Variants in GLIS3 observed in about 807,000 individuals in gnomAD.
GLIS3 encodes zinc finger protein GLIS3.
Under a neutral mutation model 78.6 loss-of-function variants are expected in GLIS3, and 53 were observed. The ratio of observed to expected loss-of-function variants is 0.67; its 90% confidence interval spans 0.54 to 0.85. GLIS3 has a LOEUF of 0.85. GLIS3 is among the 40% of genes least tolerant of loss of function. The pLI is 0.00. For missense variants in GLIS3, 1,703 were observed against 1,231.1 expected (o/e 1.38, Z -5.74); for synonymous variants, 684 against 509.9 (o/e 1.34, Z -4.60).
intron 4 of GLIS3, among the ~76,000 whole-genome samples, chr9:4,104,165 G>A (rs188103988): frequency 1.3e-5 from 2 of 152,172 alleles, no homozygotes; most frequent in South Asian, 2.1e-4. Context: ...CTTCTCATCT[G>A]ATCTCCAGAT....
At chr9:4,222,122 T>G (rs139311190) in intron 2 of GLIS3, among the ~76,000 whole-genome samples, 78 of 152,296 alleles carry the variant, frequency 5.1e-4, no homozygotes, top group African/African-American at 1.9e-3. Flanking sequence ...ACTCCCTTCC[T>G]CCCTCCCTCT....
rs144545019 is a variant in GLIS3 at position 4,275,483 on chromosome 9, A to G, written c.388+10555T>C. 2.3e-3 allele frequency among the ~76,000 whole-genome samples: 355 copies of G among 152,136 alleles called. 1 individual carries two copies. Among genetic ancestry groups the G allele is most frequent in the African/African-American group, 8.3e-3 (345 of 41,522 alleles). On this transcript the variant is annotated intron_variant, in intron 2 of 10. Transcript: ENST00000381971. ...GCACATAAAGAATGAGATTGGGCAGAGCATGGTGGCTCACAACTGTAATCC... is the reference window on the plus strand; with the variant it reads ...GCACATAAAGAATGAGATTGGGCAGGGCATGGTGGCTCACAACTGTAATCC...
rs139932497 is a variant in GLIS3 at position 3,947,607 on chromosome 9, A to G, written c.1711-10418T>C. 9.2e-4 allele frequency among the ~76,000 whole-genome samples: 140 copies of G among 152,336 alleles called. 1 individual carries two copies. Among genetic ancestry groups the G allele is most frequent in the African/African-American group, 3.3e-3 (139 of 41,578 alleles). On this transcript the variant is annotated intron_variant, in intron 4 of 10. Transcript: ENST00000381971. ...CAAGCATGAATTTGCCAAGAGAGAA[A>G]AGGAAATTCACACACGAAGAGAATA...
chr9:4,386,891 C>T, the GLIS3 span, among the ~76,000 whole-genome samples: 2 of 152,210 alleles, frequency 1.3e-5, no homozygotes, highest in African/African-American at 2.4e-5. Flanking sequence ...TCAGAGGGAC[C>T]GATGGTCTTT....
intron 7 of GLIS3, among the ~76,000 whole-genome samples, chr9:3,886,373 C>T (rs1370102225): frequency 3.3e-5 from 5 of 152,126 alleles, no homozygotes; most frequent in African/African-American, 1.2e-4. Context: ...GTAATACACA[C>T]CTTTTGAGTT....
chr9:3,921,913 T>C (rs1361407120), intron 6 of GLIS3, among the ~76,000 whole-genome samples: 3 of 112,380 alleles, frequency 2.7e-5, no homozygotes, highest in Non-Finnish European at 5.6e-5. Flanking sequence ...TATTCATCCA[T>C]CATACTGTGT....
At position 3,923,416 on chromosome 9, in the gene GLIS3, G is replaced by A. The variant is rs145476300; in HGVS notation, c.1983+8944C>T. ...TGAATGAAATATAGAGCATAGAGAC[G>A]AATATAGTCCATACGCCAAAAAATC... On this transcript the variant is annotated intron_variant, in intron 6 of 10. Transcript: ENST00000381971. Among the ~76,000 whole-genome samples, 726 of 152,178 alleles carry A rather than the reference G, an allele frequency of 4.8e-3. 4 individuals carry two copies. Among genetic ancestry groups the A allele is most frequent in the Middle Eastern group, 6.8e-3 (2 of 294 alleles).
At chr9:3,881,174 A>G (rs1821705707) in intron 7 of GLIS3, among the ~76,000 whole-genome samples, 1 of 152,200 alleles carries the variant, frequency 6.6e-6, no homozygotes, top group African/African-American at 2.4e-5. Context: ...CAATAGTTTC[A>G]AAACTGGTGT....
intron 2 of GLIS3, among the ~76,000 whole-genome samples, chr9:4,156,254 C>A (rs184656990): frequency 9.4e-4 from 143 of 152,288 alleles, no homozygotes; most frequent in Non-Finnish European, 1.7e-3. Flanking sequence ...CTCCCTTCTT[C>A]CTCCATTATC....
chr9:3,971,114 G>GGATC (rs1554661239), intron 4 of GLIS3, among the ~76,000 whole-genome samples: 2 of 44,854 alleles, frequency 4.5e-5, no homozygotes, highest in Admixed American at 2.1e-4. Context: ...AAGGAAGGAA[G>GGATC]GATCGAAGGA....
At chr9:4,366,035 G>A in the GLIS3 span, among the ~76,000 whole-genome samples, 2 of 152,316 alleles carry the variant, frequency 1.3e-5, no homozygotes, top group African/African-American at 2.4e-5. Context: ...AAAGGCCGTT[G>A]AAAATGCTTC....
In GLIS3 at chr9:4,238,879, A is replaced by G. The variant is rs574695884; in HGVS notation, c.388+47159T>C. On this transcript the variant is annotated intron_variant, in intron 2 of 10. Coordinates refer to ENST00000381971, the MANE Select transcript of GLIS3 (RefSeq NM_001042413.2). ...ATGGACTCTAACTACTAAGACTACT[A>G]TAGCCACAGCAGCTACTGCAGTGAC... Among the ~76,000 whole-genome samples the G allele has an allele frequency of 2.7e-3, 418 of 152,242 alleles. 6 individuals carry two copies. In the South Asian group the frequency reaches 0.035, roughly 13 times the overall value.
intron 4 of GLIS3, among the ~76,000 whole-genome samples, chr9:4,002,421 T>C (rs1348209626): frequency 2.6e-5 from 4 of 152,188 alleles, no homozygotes; most frequent in East Asian, 3.8e-4. Flanking sequence ...ACAGCAGCAA[T>C]AGAAAACTAA....
intron 4 of GLIS3, among the ~76,000 whole-genome samples, chr9:4,005,435 G>A (rs1821466295): frequency 6.6e-6 from 1 of 152,156 alleles, no homozygotes; most frequent in Non-Finnish European, 1.5e-5. Context: ...GGGCTAATAG[G>A]AGGCAGAGTA....
intron 5 of GLIS3, among the ~76,000 whole-genome samples, chr9:3,933,788 A>T (rs1410335632): frequency 1.3e-5 from 2 of 152,256 alleles, no homozygotes; most frequent in Non-Finnish European, 2.9e-5. Flanking sequence ...TTCTGTGAGC[A>T]AACAAATAAG....
At chr9:4,452,289 C>G in the GLIS3 span, among the ~76,000 whole-genome samples, 1 of 152,000 alleles carries the variant, frequency 6.6e-6, no homozygotes, top group Non-Finnish European at 1.5e-5. Context: ...CTCTCACCAC[C>G]CTTATTCAAC....
At chr9:4,098,490 C>A (rs947694671) in intron 4 of GLIS3, among the ~76,000 whole-genome samples, 1 of 152,160 alleles carries the variant, frequency 6.6e-6, no homozygotes, top group South Asian at 2.1e-4. Flanking sequence ...CTGAAGAAAG[C>A]AACCCATAGG....
chr9:4,232,124 T>G (rs902316718), intron 2 of GLIS3, among the ~76,000 whole-genome samples: 1 of 152,014 alleles, frequency 6.6e-6, no homozygotes, highest in Non-Finnish European at 1.5e-5. Context: ...ACACCTGTAA[T>G]GCCAGCACTT....
intron 2 of GLIS3, among the ~76,000 whole-genome samples, chr9:4,156,177 C>T (rs1171496084): frequency 6.6e-6 from 1 of 152,152 alleles, no homozygotes; most frequent in Non-Finnish European, 1.5e-5. Context: ...AGCCTTCCTT[C>T]ACTCTTCCAT....
Sources: allele counts gnomAD v4.1 joint callset (sites outside exome capture counted in the v4.1 genomes callset), GRCh38; gene constraint gnomAD v4.1.1; transcripts MANE v1.5; gene names NCBI Gene and HGNC (gene_info 2026-07-23, HGNC 2026-07-21).